The following NKAIN4 variants were observed in gnomAD, a reference collection of about 807,000 sequenced individuals.
NKAIN4 encodes sodium/potassium-transporting ATPase subunit beta-1-interacting protein 4.
A neutral mutation model predicts 28.8 loss-of-function variants in NKAIN4; 28 were observed. The observed-to-expected ratio is 0.97, with a 90% CI of 0.72 to 1.33. The LOEUF (loss-of-function observed/expected upper bound fraction) is 1.33. Ranked by LOEUF, NKAIN4 falls within the 40% of genes most tolerant of loss-of-function variation. The probability of loss-of-function intolerance (pLI) is 0.00; values close to 1 mark genes in which losing one functional copy is unlikely to be tolerated. For missense variants in NKAIN4, 289 were observed against 277.2 expected, an observed-to-expected ratio of 1.04 and a Z score of -0.30; for synonymous variants, 122 against 115.6, an observed-to-expected ratio of 1.06 and a Z score of -0.36.
intron 2 of NKAIN4, 131 bp from the exon 3 acceptor site, chr20:63,249,026 C>T (rs2123108431): frequency 1.5e-6 from 1 of 671,490 alleles, no homozygotes; most frequent in Middle Eastern, 3.7e-4. Context: ...TCTGGCGGCC[C>T]CCAGATGCAC....
intron 4 of NKAIN4, 90 bp downstream of exon 4, chr20:63,247,488 T>C (rs1412175633): frequency 1.3e-6 from 2 of 1,545,990 alleles, no homozygotes; most frequent in Admixed American, 2.0e-5. Context: ...CCAGGTCAGC[T>C]GGCCCCGCCT....
At chr20:63,242,972 G>A (rs897968688) in intron 5 of NKAIN4, among the ~76,000 whole-genome samples, 1 of 152,088 alleles carries the variant, frequency 6.6e-6, no homozygotes. Context: ...AGGACAGCCC[G>A]GGTCCTCCAG....
Position 63,247,587 on chromosome 20 carries a change from G to C in NKAIN4, c.462C>G (p.Ile154Met). The C allele has an allele frequency of 1.3e-6, 2 of 1,547,144 alleles. No individual in the cohort carries two copies. Among genetic ancestry groups the C allele is most frequent in the Middle Eastern group, 1.7e-4 (1 of 5,974 alleles). ...YVEALHSCLQ[I>M]LIALLGFVCG... is the part of the protein sequence containing the mutation. ...CCTTCCCCACGCTCACCGCGATCAG[G>C]ATCTGCAGGCAACTGTGTAGGGCCT... is the stretch of plus-strand genomic sequence containing the variant. Residue 154 changes from isoleucine to methionine, a missense_variant, in exon 4 of 7, where the codon ATC becomes ATG. By Grantham distance (10) the Ile-to-Met change is conservative (BLOSUM62 1). Coordinates refer to ENST00000370316, the MANE Select transcript of NKAIN4 (RefSeq NM_152864.4).
intron 1 of NKAIN4, 22 bp from the exon 2 acceptor site, chr20:63,250,094 T>C: frequency 1.3e-6 from 2 of 1,549,498 alleles, no homozygotes; most frequent in Non-Finnish European, 1.7e-6. Context: ...GCGGGCGCCA[T>C]GAAGGGTGGA....
chr20:63,249,145 AG>A lies in NKAIN4; in HGVS notation c.193-251del, dbSNP rs1388149354. 4 of 512,834 alleles carry A rather than the reference AG, an allele frequency of 7.8e-6. No homozygotes were observed. In the Middle Eastern group the frequency reaches 1.6e-3, roughly 210 times the overall value. 31.8% of individuals were successfully genotyped at this position (512,834 alleles called of 1,614,324 possible). A position where few individuals can be genotyped will look rare whatever the true frequency, so the allele number is the denominator to read the frequency against. On this transcript the variant is annotated intron_variant, in intron 2 of 6. Coordinates refer to ENST00000370316, the MANE Select transcript of NKAIN4 (RefSeq NM_152864.4). ...GGGACAGCCAGCTCAAGGGAGCCCC[AG>A]CGCAGGTCGGCGTACGGACACAGCA...
chr20:63,246,580 C>T (rs1345913592), intron 4 of NKAIN4: 16 of 985,302 alleles, frequency 1.6e-5, no homozygotes, highest in African/African-American at 8.7e-5. Context: ...CAGCTCCCAC[C>T]GCCAGCCGCC....
intron 1 of NKAIN4, chr20:63,253,427 AC>A (rs1265221483): frequency 1.0e-6 from 1 of 985,378 alleles, no homozygotes; most frequent in Admixed American, 6.1e-5. Flanking sequence ...CCCAAGCTGC[AC>A]AGCCACGGAC....
chr20:63,241,713 G>A (rs1436223897), intron 6 of NKAIN4: 1 of 698,778 alleles, frequency 1.4e-6, no homozygotes, highest in South Asian at 1.5e-5. Flanking sequence ...AGCGTCTTGT[G>A]CCTGTTTGCT....
intron 3 of NKAIN4, chr20:63,248,329 C>T (rs1350667245): frequency 1.7e-5 from 3 of 179,920 alleles, no homozygotes; most frequent in Non-Finnish European, 3.6e-5. Flanking sequence ...AGCAATGGCC[C>T]CCACCCTGTT....
At chr20:63,246,604 C>T (rs1311316453) in intron 4 of NKAIN4, 2 of 985,352 alleles carry the variant, frequency 2.0e-6, no homozygotes, top group Non-Finnish European at 2.4e-6. Context: ...CATGGAGCCT[C>T]GCTCCTGGAA....
intron 1 of NKAIN4, chr20:63,253,147 C>G (rs1014336962): frequency 1.1e-6 from 1 of 945,780 alleles, no homozygotes; most frequent in Non-Finnish European, 1.3e-6. Flanking sequence ...CACCCTTGCT[C>G]TCCCCATTCC....
At position 63,252,037 on chromosome 20, in the gene NKAIN4, G is replaced by A. The variant is rs1243873477; in HGVS notation, c.55-1965C>T. The stretch of plus-strand genomic sequence containing the variant: ...GCACAGTTCTGTGAGGTCTGGGCTG[G>A]CGGCTGGGACAAGCTGCACATCTCG... On this transcript the variant is annotated intron_variant, in intron 1 of 6. Transcript: ENST00000370316. The surrounding 1 kb of genome is among the most constrained non-coding windows in gnomAD (Gnocchi z 4.6). Among the ~76,000 whole-genome samples the A allele has an allele frequency of 6.6e-6, 1 of 152,176 alleles. No homozygotes were observed. The highest frequency in any genetic ancestry group is 6.5e-5 in the Admixed American group (1 of 15,278).
At chr20:63,254,312 G>T (rs1187025106) in intron 1 of NKAIN4, 85 bp downstream of exon 1, 2 of 1,120,818 alleles carry the variant, frequency 1.8e-6, no homozygotes, top group South Asian at 1.8e-5. Flanking sequence ...CGGGCCCCGG[G>T]GCGGAGGGAC....
intron 5 of NKAIN4, among the ~76,000 whole-genome samples, chr20:63,242,849 TGGGACAGCCCGGA>T (rs2066783763): frequency 2.9e-5 from 1 of 35,044 alleles, no homozygotes; most frequent in African/African-American, 1.3e-4. Flanking sequence ...ACAGTGGGGG[TGGGACAGCCCGGA>T]TCTTCAGCCT....
chr20:63,246,423 G>A (rs144463662), intron 4 of NKAIN4, among the ~76,000 whole-genome samples: 5 of 152,298 alleles, frequency 3.3e-5, no homozygotes, highest in South Asian at 2.1e-4. Context: ...GGCAGGGTGC[G>A]TCTGTGGCCC....
intron 2 of NKAIN4, 27 bp downstream of exon 2, chr20:63,249,908 A>C: frequency 6.3e-7 from 1 of 1,597,226 alleles, no homozygotes; most frequent in Non-Finnish European, 8.5e-7. Flanking sequence ...CCACCTGCCC[A>C]TAAAGAGGGC....
rs1316103570 is a variant in NKAIN4, at chr20:63,241,493, T to G, written c.*4A>C. 6.4e-7 allele frequency: 1 copy of G among 1,550,398 alleles called. No homozygotes were observed. Among genetic ancestry groups the G allele is most frequent in the Non-Finnish European group, 8.7e-7 (1 of 1,146,928 alleles). ...CACAGGAGCAGGATCAGCTGTTTCCTCACTTACGCAGGCCTGTGGGGACAA... is the reference window on the plus strand; with the variant it reads ...CACAGGAGCAGGATCAGCTGTTTCCGCACTTACGCAGGCCTGTGGGGACAA... On this transcript the variant is annotated 3_prime_UTR_variant, in exon 7 of 7. Transcript: ENST00000370316.
At chr20:63,254,707 T>G, upstream of NKAIN4, 1 of 288,474 alleles carries the variant, frequency 3.5e-6, no homozygotes. Flanking sequence ...TGGCGCGGCC[T>G]CTCGGGTAGC....
chr20:63,250,332 G>A (rs113987577), intron 1 of NKAIN4, among the ~76,000 whole-genome samples: 22 of 152,330 alleles, frequency 1.4e-4, no homozygotes, highest in African/African-American at 4.6e-4. Flanking sequence ...TTGTGTCCCC[G>A]TGTGTCACCG....
Sources: gnomAD v4.1 joint callset for allele counts (sites outside exome capture counted in the v4.1 genomes callset) on GRCh38, gnomAD v4.1.1 for gene constraint, Gnocchi (gnomAD v3.1) non-coding constraint, MANE v1.5 for transcripts, NCBI Gene and HGNC (gene_info 2026-07-23, HGNC 2026-07-21) for gene names.